Variants in SMYD2 observed in about 807,000 individuals in gnomAD.
SMYD2 encodes the protein N-lysine methyltransferase SMYD2.
In SMYD2, 53 loss-of-function variants were observed where a neutral mutation model predicts 59.1. That is an observed-to-expected ratio of 0.90 (90% CI 0.72 to 1.13). The LOEUF (loss-of-function observed/expected upper bound fraction) is 1.13. SMYD2 is among the 50% of genes most tolerant of loss of function. SMYD2 has a pLI of 0.00. For missense variants in SMYD2, 494 were observed against 544.7 expected (o/e 0.91, Z 0.93); for synonymous variants, 208 against 198.8 (o/e 1.05, Z -0.39).
intron 1 of SMYD2, among the ~76,000 whole-genome samples, chr1:214,291,795 A>G (rs537474443): frequency 7.6e-4 from 115 of 152,250 alleles, no homozygotes; most frequent in African/African-American, 2.5e-3. Flanking sequence ...CTTAGGTCCA[A>G]TGAATTGGCA....
intron 5 of SMYD2, 106 bp downstream of exon 5, chr1:214,319,089 C>A: frequency 7.1e-7 from 1 of 1,418,212 alleles, no homozygotes; most frequent in African/African-American, 1.4e-5. Context: ...ATGATGGCAT[C>A]TTCCTGACAA....
At chr1:214,328,860 AG>A (rs1407837060) in intron 7 of SMYD2, among the ~76,000 whole-genome samples, 1 of 152,138 alleles carries the variant, frequency 6.6e-6, no homozygotes. Flanking sequence ...ACTGCTCTGA[AG>A]CCTTTCTTGA....
chr1:214,302,965 A>G (rs376361328), intron 1 of SMYD2, among the ~76,000 whole-genome samples: 40 of 152,284 alleles, frequency 2.6e-4, no homozygotes, highest in Admixed American at 7.8e-4. Flanking sequence ...CTGGTCCTAC[A>G]TATGGGCTTT....
At position 214,313,761 on chromosome 1, in the gene SMYD2, AC is replaced by A. The variant is rs551552385; in HGVS notation, c.238-999del. On this transcript the variant is annotated intron_variant, in intron 2 of 11. Coordinates refer to ENST00000366957, the MANE Select transcript of SMYD2 (RefSeq NM_020197.3). ...ACTTGCTTCCCTCAGCCTCCAAAAC[AC>A]CATGGTGTCCTTCTCTCAATGCCTT... is the stretch of plus-strand genomic sequence containing the variant. Among the ~76,000 whole-genome samples, 725 of 152,088 alleles carry A rather than the reference AC, an allele frequency of 4.8e-3. 4 individuals are homozygous for A. The highest frequency in any genetic ancestry group is 0.017 in the African/African-American group (695 of 41,456).
chr1:214,281,431 GGGCGGC>G lies in SMYD2; in HGVS notation c.173+22_173+27del, dbSNP rs539190942. On this transcript the variant is annotated splice_donor_5th_base_variant and intron_variant, in intron 1 of 11. Transcript: ENST00000366957. ...ACTGCGAGTACTGCTTCACCAGGTA[GGGCGGC>G]GGCGGCGGCGGCGGCGGGCGGGAGC... The G allele has an allele frequency of 4.9e-5, 69 of 1,408,282 alleles. No homozygotes were observed. The highest frequency in any genetic ancestry group is 3.4e-4 in the South Asian group (19 of 56,058). 87.2% of individuals were successfully genotyped at this position (1,408,282 alleles called of 1,614,324 possible).
Position 214,318,778 on chromosome 1 carries a change from T to A in SMYD2, c.410-81T>A. 2 of 1,495,002 alleles carry A rather than the reference T, an allele frequency of 1.3e-6. No homozygotes were observed. Among genetic ancestry groups the A allele is most frequent in the Non-Finnish European group, 1.8e-6 (2 of 1,101,804 alleles). The allele number at this position is 1,495,002 out of a possible 1,614,324, so 92.6% of individuals were successfully genotyped here. A position where few individuals can be genotyped will look rare whatever the true frequency, so the allele number is the denominator to read the frequency against. On this transcript the variant is annotated intron_variant, in intron 4 of 11. Transcript: ENST00000366957. This position sits in a 1 kb window ranked among gnomAD's most constrained non-coding sequence, Gnocchi z 5.4. ...TTTTTTTTCGCCCGTTCCTTTCCTC[T>A]GTATCATTTACAGCAAAAATAGGAT...
At chr1:214,286,989 TG>T (rs1656559085) in intron 1 of SMYD2, among the ~76,000 whole-genome samples, 1 of 151,650 alleles carries the variant, frequency 6.6e-6, no homozygotes, top group Admixed American at 6.6e-5. Context: ...CCACCATGCC[TG>T]GCTAATTTTT....
chr1:214,303,234 C>G (rs757260171), intron 1 of SMYD2, among the ~76,000 whole-genome samples: 1 of 152,158 alleles, frequency 6.6e-6, no homozygotes, highest in Non-Finnish European at 1.5e-5. Context: ...TCCTGACACA[C>G]CTCTCTGTGG....
Position 214,308,881 on chromosome 1 carries a change from T to C in SMYD2, c.237+3631T>C, listed in dbSNP as rs149183752. On this transcript the variant is annotated intron_variant, in intron 2 of 11. Transcript: ENST00000366957. ...TTTACAGTAGTGTGCTTGGGAGAAG[T>C]GAGGGCCCTCTAGGAAAGGAGGTTC... 2.3e-3 allele frequency among the ~76,000 whole-genome samples: 346 copies of C among 152,208 alleles called. 3 individuals are homozygous for C. Among genetic ancestry groups the C allele is most frequent in the African/African-American group, 8.1e-3 (335 of 41,528 alleles).
intron 1 of SMYD2, among the ~76,000 whole-genome samples, chr1:214,290,259 G>A (rs551343744): frequency 6.6e-5 from 10 of 152,194 alleles, no homozygotes; most frequent in Middle Eastern, 3.4e-3. Context: ...TTTCTAGTCC[G>A]TACATTCGCT....
At chr1:214,298,347 C>T (rs1656766282) in intron 1 of SMYD2, among the ~76,000 whole-genome samples, 1 of 152,096 alleles carries the variant, frequency 6.6e-6, no homozygotes, top group African/African-American at 2.4e-5. Context: ...GACTGGCTAG[C>T]CATATGCAGA....
intron 1 of SMYD2, among the ~76,000 whole-genome samples, chr1:214,285,110 G>T (rs1053045454): frequency 1.1e-4 from 17 of 152,188 alleles, no homozygotes; most frequent in Non-Finnish European, 2.2e-4. Flanking sequence ...GTCTGGCTTA[G>T]ATTAGTTGTT....
At chr1:214,311,607 C>T (rs10157166) in intron 2 of SMYD2, among the ~76,000 whole-genome samples, 62,266 of 151,994 alleles carry the variant, frequency 0.41, 13,403 homozygotes, top group African/African-American at 0.52. Context: ...CCAGAGCTTT[C>T]CTTGTGTTTG....
chr1:214,325,729 A>G (rs1340435348), intron 6 of SMYD2, among the ~76,000 whole-genome samples: 16 of 151,168 alleles, frequency 1.1e-4, no homozygotes, highest in African/African-American at 3.9e-4. Context: ...TTGGGGCCAA[A>G]ATGGCATCAT....
intron 1 of SMYD2, among the ~76,000 whole-genome samples, chr1:214,287,490 G>A (rs909822070): frequency 1.3e-5 from 2 of 151,458 alleles, no homozygotes; most frequent in African/African-American, 4.9e-5. Flanking sequence ...GGGAGGCTGA[G>A]GCAGGAGAAT....
intron 3 of SMYD2, among the ~76,000 whole-genome samples, chr1:214,316,941 A>G (rs1412658268): frequency 6.6e-6 from 1 of 152,204 alleles, no homozygotes; most frequent in Non-Finnish European, 1.5e-5. Flanking sequence ...AAGTCATCAG[A>G]TGGGATCTCC....
chr1:214,281,331 C>G lies in SMYD2; in HGVS notation c.77C>G (p.Pro26Arg). ...GGCCGGGGGCTGCGGGCTCTGCAGC[C>G]CTTCCAGGTGGGGGACTTGCTGTTC... is the stretch of plus-strand genomic sequence containing the variant. ...GKGRGLRALQPFQVGDLLFSC... is the reference protein window; with the variant it reads ...GKGRGLRALQRFQVGDLLFSC... Residue 26 changes from proline to arginine, a missense_variant, in exon 1 of 12, where the codon CCC becomes CGC. Coordinates refer to ENST00000366957, the MANE Select transcript of SMYD2 (RefSeq NM_020197.3). 7.0e-7 allele frequency: 1 copy of G among 1,436,756 alleles called. No individual in the cohort carries two copies. The highest frequency in any genetic ancestry group is 9.2e-7 in the Non-Finnish European group (1 of 1,086,378). The allele number at this position is 1,436,756 out of a possible 1,614,324, so 89.0% of individuals were successfully genotyped here.
At chr1:214,327,150 G>A (rs1657276384) in intron 6 of SMYD2, among the ~76,000 whole-genome samples, 1 of 152,134 alleles carries the variant, frequency 6.6e-6, no homozygotes, top group South Asian at 2.1e-4. Flanking sequence ...GGGTCTCTCA[G>A]GGGATCACAC....
At chr1:214,327,861 A>G (rs1657288205) in intron 7 of SMYD2, 137 bp downstream of exon 7, 3 of 660,658 alleles carry the variant, frequency 4.5e-6, no homozygotes, top group Non-Finnish European at 8.0e-6. Flanking sequence ...GTCTGCCCTC[A>G]GGCTCTCCAG....
Sources: gnomAD v4.1 joint callset for allele counts (sites outside exome capture counted in the v4.1 genomes callset) on GRCh38, gnomAD v4.1.1 for gene constraint, Gnocchi (gnomAD v3.1) non-coding constraint, MANE v1.5 for transcripts, NCBI Gene and HGNC (gene_info 2026-07-23, HGNC 2026-07-21) for gene names.